The following CARMIL1 variants were observed in gnomAD, a reference collection of about 807,000 sequenced individuals.
The protein encoded by CARMIL1 is capping protein regulator and myosin 1 linker 1, also known as F-actin-uncapping protein LRRC16A.
In CARMIL1, 90 loss-of-function variants were observed where a neutral mutation model predicts 177.1. That is an observed-to-expected ratio of 0.51 (90% CI 0.43 to 0.61). The LOEUF (loss-of-function observed/expected upper bound fraction) is 0.61, where lower values mean the gene tolerates loss of function less well. CARMIL1 is among the 20% of genes least tolerant of loss of function. The probability of loss-of-function intolerance (pLI) is 0.00; values close to 1 mark genes in which losing one functional copy is unlikely to be tolerated. For synonymous variants in CARMIL1, 577 were observed against 606.2 expected, an observed-to-expected ratio of 0.95 and a Z score of 0.71; for missense variants, 1,380 against 1,667.0, an observed-to-expected ratio of 0.83 and a Z score of 3.00.
intron 2 of CARMIL1, among the ~76,000 whole-genome samples, chr6:25,355,342 G>A (rs1330019201): frequency 6.6e-6 from 1 of 151,956 alleles, no homozygotes; most frequent in Non-Finnish European, 1.5e-5. Context: ...AAATAACTAA[G>A]TGCCTCAAAA....
chr6:25,500,226 C>T lies in CARMIL1; in HGVS notation c.1386C>T (p.Ser462=). The T allele has an allele frequency of 1.2e-6, 2 of 1,613,688 alleles. No homozygotes were observed. The highest frequency in any genetic ancestry group is 1.7e-6 in the Non-Finnish European group (2 of 1,179,688). Residue 462 remains serine (S), a synonymous_variant, in exon 17 of 37, where the codon AGC becomes AGT. Coordinates refer to ENST00000329474, the MANE Select transcript of CARMIL1 (RefSeq NM_017640.6). The part of the protein sequence containing the change: ...HNLKGVSLDL[S]NCELRSGGAQ... ...TGAAAGGGGTTTCTCTGGATCTCAG[C>T]AACTGTGAGGTAAGAACACCCTTAG...
chr6:25,304,296 G>A (rs1393134569), intron 2 of CARMIL1, among the ~76,000 whole-genome samples: 21 of 152,220 alleles, frequency 1.4e-4, no homozygotes, highest in Admixed American at 1.3e-3. Flanking sequence ...AGAGGATGGG[G>A]AATTGAATTC....
intron 2 of CARMIL1, among the ~76,000 whole-genome samples, chr6:25,417,035 A>G (rs1377853218): frequency 1.3e-5 from 2 of 152,156 alleles, no homozygotes; most frequent in Admixed American, 6.6e-5. Flanking sequence ...AGCCATGCTT[A>G]TGATCATGGT....
chr6:25,471,360 C>A, intron 10 of CARMIL1, 103 bp downstream of exon 10: 2 of 666,730 alleles, frequency 3.0e-6, no homozygotes, highest in South Asian at 2.5e-5. Context: ...GGGCTGATCA[C>A]ATATACAGCA....
At chr6:25,447,986 A>C (rs945826053) in intron 5 of CARMIL1, among the ~76,000 whole-genome samples, 1 of 151,972 alleles carries the variant, frequency 6.6e-6, no homozygotes, top group Non-Finnish European at 1.5e-5. Context: ...CCAGCTGCCC[A>C]CCTCTCCATA....
intron 31 of CARMIL1, among the ~76,000 whole-genome samples, chr6:25,588,494 C>T (rs1813986931): frequency 6.6e-6 from 1 of 152,104 alleles, no homozygotes; most frequent in Admixed American, 6.5e-5. Flanking sequence ...TTTTAAGGGC[C>T]AGGTCCGAAA....
intron 2 of CARMIL1, among the ~76,000 whole-genome samples, chr6:25,315,483 T>C (rs1581538327): frequency 6.6e-6 from 1 of 152,240 alleles, no homozygotes; most frequent in Non-Finnish European, 1.5e-5. Context: ...TGGCGGCAGG[T>C]GCCAGACTGG....
intron 2 of CARMIL1, among the ~76,000 whole-genome samples, chr6:25,392,413 CAG>C (rs1792955703): frequency 6.6e-6 from 1 of 152,178 alleles, no homozygotes; most frequent in South Asian, 2.1e-4. Flanking sequence ...CCAGTTGGCT[CAG>C]AGGAAAACAT....
At chr6:25,337,916 T>G (rs1029701492) in intron 2 of CARMIL1, among the ~76,000 whole-genome samples, 3 of 152,178 alleles carry the variant, frequency 2.0e-5, no homozygotes, top group Non-Finnish European at 4.4e-5. Context: ...GTGGGCTCAC[T>G]CCTGTAATCT....
At chr6:25,599,094 T>C (rs1204758634) in intron 32 of CARMIL1, among the ~76,000 whole-genome samples, 1 of 152,198 alleles carries the variant, frequency 6.6e-6, no homozygotes, top group East Asian at 1.9e-4. Context: ...GAGAGTGAAC[T>C]TGGGTGTTGG....
intron 22 of CARMIL1, among the ~76,000 whole-genome samples, chr6:25,519,285 C>T (rs1486023616): frequency 6.6e-6 from 1 of 152,070 alleles, no homozygotes; most frequent in Non-Finnish European, 1.5e-5. Context: ...ACCAAGTAGC[C>T]CGAGGTGAAA....
chr6:25,290,088 T>C (rs140188533), intron 2 of CARMIL1, among the ~76,000 whole-genome samples: 45 of 152,308 alleles, frequency 3.0e-4, no homozygotes, highest in Non-Finnish European at 5.4e-4. Flanking sequence ...GCAGCATTTG[T>C]CATTGTCTGG....
chr6:25,530,947 G>A (rs1363527630), intron 24 of CARMIL1, among the ~76,000 whole-genome samples: 2 of 152,136 alleles, frequency 1.3e-5, no homozygotes, highest in African/African-American at 2.4e-5. Context: ...AGAATGGCAA[G>A]CTTAATTATT....
At chr6:25,368,681 G>A (rs1401298465) in intron 2 of CARMIL1, among the ~76,000 whole-genome samples, 1 of 152,146 alleles carries the variant, frequency 6.6e-6, no homozygotes, top group East Asian at 1.9e-4. Context: ...GTTAAGTCCT[G>A]TACTCTTTAC....
intron 2 of CARMIL1, among the ~76,000 whole-genome samples, chr6:25,342,320 C>T (rs74813022): frequency 0.052 from 7,872 of 152,268 alleles, 279 homozygotes; most frequent in Non-Finnish European, 0.087. Context: ...ATGGGAGTGA[C>T]TTTCCCTAAG....
chr6:25,373,098 C>T (rs1372304395), intron 2 of CARMIL1, among the ~76,000 whole-genome samples: 1 of 152,154 alleles, frequency 6.6e-6, no homozygotes, highest in African/African-American at 2.4e-5. Flanking sequence ...GGATGAAACC[C>T]ACTTGATCAT....
intron 2 of CARMIL1, among the ~76,000 whole-genome samples, chr6:25,312,514 C>A (rs1359863451): frequency 6.6e-6 from 1 of 152,130 alleles, no homozygotes; most frequent in East Asian, 1.9e-4. Context: ...TTGAGGGCCA[C>A]ACCCATGATA....
chr6:25,560,196 T>A lies in CARMIL1; in HGVS notation c.2742+3346T>A, dbSNP rs1810980884. On this transcript the variant is annotated intron_variant, in intron 29 of 36. Coordinates refer to ENST00000329474, the MANE Select transcript of CARMIL1 (RefSeq NM_017640.6). ...TCTAATCAAACTTAATTTTATAAAG[T>A]TAAAGAAAAAGGCAGTTCTTTTTAA... Among the ~76,000 whole-genome samples the A allele has an allele frequency of 2.0e-5, 3 of 152,176 alleles. No homozygotes were observed. The South Asian group carries it at 6.2e-4, about 32-fold the overall frequency.
At chr6:25,464,014 G>A (rs940252994) in intron 8 of CARMIL1, among the ~76,000 whole-genome samples, 4 of 151,744 alleles carry the variant, frequency 2.6e-5, no homozygotes, top group Admixed American at 2.6e-4. Flanking sequence ...AGTAGAGACG[G>A]GGTTTCACCG....
Sources: gnomAD v4.1 joint callset for allele counts (sites outside exome capture counted in the v4.1 genomes callset) on GRCh38, gnomAD v4.1.1 for gene constraint, MANE v1.5 for transcripts, NCBI Gene and HGNC (gene_info 2026-07-23, HGNC 2026-07-21) for gene names.